The following KCNH5 variants were observed in gnomAD, a reference collection of about 807,000 sequenced individuals.
KCNH5 encodes voltage-gated delayed rectifier potassium channel KCNH5.
KCNH5 carries 46 observed loss-of-function variants against 96.1 expected under a neutral mutation model. The observed-to-expected ratio is 0.48, with a 90% CI of 0.38 to 0.61. The LOEUF is 0.61. KCNH5 is among the 20% of genes least tolerant of loss of function. KCNH5 has a pLI of 0.00. For synonymous variants in KCNH5, 439 were observed against 449.8 expected (o/e 0.98, Z 0.30); for missense variants, 907 against 1,225.8 (o/e 0.74, Z 3.88).
At chr14:62,736,846 A>G (rs1361712823) in intron 10 of KCNH5, among the ~76,000 whole-genome samples, 1 of 152,130 alleles carries the variant, frequency 6.6e-6, no homozygotes, top group Non-Finnish European at 1.5e-5. Context: ...TTTAACTCTT[A>G]CGCTTACAGT....
At chr14:62,812,040 A>T (rs1195839649) in intron 8 of KCNH5, among the ~76,000 whole-genome samples, 3 of 152,168 alleles carry the variant, frequency 2.0e-5, no homozygotes, top group African/African-American at 7.2e-5. Context: ...AGGTTATGTG[A>T]CTTGCTCAAG....
chr14:62,982,206 A>G (rs1345882315), intron 5 of KCNH5, among the ~76,000 whole-genome samples: 1 of 152,118 alleles, frequency 6.6e-6, no homozygotes. Context: ...GTGCGTGCCT[A>G]TAATCCCAAC....
At chr14:62,819,425 C>G (rs1044840060) in intron 8 of KCNH5, among the ~76,000 whole-genome samples, 1 of 152,052 alleles carries the variant, frequency 6.6e-6, no homozygotes, top group Non-Finnish European at 1.5e-5. Context: ...TCCATAGACA[C>G]AGAAAATAGA....
intron 1 of KCNH5, among the ~76,000 whole-genome samples, chr14:63,036,457 A>G (rs1178959552): frequency 6.6e-6 from 1 of 152,106 alleles, no homozygotes; most frequent in Admixed American, 6.6e-5. Flanking sequence ...CTTCTAGAGT[A>G]AAAAACAAAA....
intron 10 of KCNH5, among the ~76,000 whole-genome samples, chr14:62,765,008 T>C (rs1167474925): frequency 6.6e-6 from 1 of 152,184 alleles, no homozygotes; most frequent in Non-Finnish European, 1.5e-5. Flanking sequence ...TTTCACAGAA[T>C]TAGAAAAAAC....
At chr14:63,011,677 G>C (rs566462818) in intron 2 of KCNH5, among the ~76,000 whole-genome samples, 12 of 152,200 alleles carry the variant, frequency 7.9e-5, no homozygotes, top group African/African-American at 2.9e-4. Flanking sequence ...GGATAGCACT[G>C]TATACCTGTA....
chr14:62,719,119 T>C (rs1884751186), intron 10 of KCNH5, among the ~76,000 whole-genome samples: 1 of 152,194 alleles, frequency 6.6e-6, no homozygotes, highest in Non-Finnish European at 1.5e-5. Flanking sequence ...TGTTCTAGAA[T>C]TAGATAATGG....
chr14:62,976,477 A>C (rs1203394097), intron 6 of KCNH5, among the ~76,000 whole-genome samples: 2 of 152,202 alleles, frequency 1.3e-5, no homozygotes, highest in East Asian at 3.9e-4. Context: ...TCCAGAAAGA[A>C]AGAAAATTTA....
chr14:62,716,701 G>A (rs12372903), intron 10 of KCNH5, among the ~76,000 whole-genome samples: 55,872 of 151,988 alleles, frequency 0.37, 10,777 homozygotes, highest in South Asian at 0.6. Context: ...ATACTTTATA[G>A]TAAAATACTA....
At chr14:62,785,000 C>T (rs1034597007) in intron 9 of KCNH5, among the ~76,000 whole-genome samples, 1 of 152,092 alleles carries the variant, frequency 6.6e-6, no homozygotes, top group African/African-American at 2.4e-5. Flanking sequence ...AATTCTGCCC[C>T]CAACATCAGA....
intron 8 of KCNH5, among the ~76,000 whole-genome samples, chr14:62,840,550 CTTTTTTCTTTTTTTTCTTT>C (rs1342283935): frequency 3.2e-5 from 4 of 124,356 alleles, no homozygotes; most frequent in Admixed American, 1.7e-4. Context: ...TTTTGTTTTT[CTTTTTTCTTTTTTTTCTTT>C]TTTTTTTTTT....
chr14:62,829,139 G>A (rs1887288573), intron 8 of KCNH5, among the ~76,000 whole-genome samples: 1 of 152,132 alleles, frequency 6.6e-6, no homozygotes, highest in South Asian at 2.1e-4. Flanking sequence ...AAGGCCTTGG[G>A]TAGCTGTGCA....
chr14:62,929,926 C>T (rs1889548304), intron 7 of KCNH5, among the ~76,000 whole-genome samples: 1 of 152,042 alleles, frequency 6.6e-6, no homozygotes. Context: ...AGGATCACAG[C>T]CTCCAGCTCC....
chr14:62,964,189 C>A (rs1262313796), intron 6 of KCNH5, among the ~76,000 whole-genome samples: 3 of 152,026 alleles, frequency 2.0e-5, no homozygotes, highest in Non-Finnish European at 4.4e-5. Flanking sequence ...CCAAGTTCCC[C>A]AGAGCAATCT....
At chr14:63,012,232 T>C (rs879381416) in intron 2 of KCNH5, among the ~76,000 whole-genome samples, 1 of 152,210 alleles carries the variant, frequency 6.6e-6, no homozygotes, top group Non-Finnish European at 1.5e-5. Flanking sequence ...ATACTTTTCA[T>C]GTCCTCCAAT....
At chr14:62,959,741 A>G (rs1386887568) in intron 6 of KCNH5, among the ~76,000 whole-genome samples, 1 of 152,106 alleles carries the variant, frequency 6.6e-6, no homozygotes, top group Admixed American at 6.6e-5. Flanking sequence ...TTATTTTTAA[A>G]TATTTGTAGT....
At chr14:62,878,051 T>C (rs1400536292) in intron 7 of KCNH5, among the ~76,000 whole-genome samples, 1 of 152,092 alleles carries the variant, frequency 6.6e-6, no homozygotes, top group African/African-American at 2.4e-5. Context: ...TCTAGGGACA[T>C]GGATGAAATT....
At chr14:62,752,236 G>C (rs1392109342) in intron 10 of KCNH5, among the ~76,000 whole-genome samples, 1 of 152,028 alleles carries the variant, frequency 6.6e-6, no homozygotes, top group Non-Finnish European at 1.5e-5. Context: ...TCCCCAAAAT[G>C]TGTTGTTTCT....
intron 2 of KCNH5, among the ~76,000 whole-genome samples, chr14:63,013,407 CTCTTA>C (rs1314489189): frequency 6.6e-6 from 1 of 151,968 alleles, no homozygotes; most frequent in Non-Finnish European, 1.5e-5. Context: ...GCTTCTTATT[CTCTTA>C]TGTCTGTCTA....
Sources: allele counts gnomAD v4.1 joint callset (sites outside exome capture counted in the v4.1 genomes callset), GRCh38; gene constraint gnomAD v4.1.1; transcripts MANE v1.5; gene names NCBI Gene and HGNC (gene_info 2026-07-23, HGNC 2026-07-21).